The following ACSF2 variants were observed in gnomAD, a reference collection of about 807,000 sequenced individuals.
ACSF2 encodes the protein medium-chain acyl-CoA ligase ACSF2, mitochondrial.
A neutral mutation model predicts 79.3 loss-of-function variants in ACSF2; 52 were observed. That is an observed-to-expected ratio of 0.66 (90% CI 0.53 to 0.83). ACSF2 has a LOEUF of 0.83. Ranked by LOEUF, ACSF2 falls within the 40% of genes least tolerant of loss-of-function variation. ACSF2 has a pLI of 0.00. For missense variants in ACSF2, 661 were observed against 803.3 expected (o/e 0.82, Z 2.14); for synonymous variants, 283 against 312.6 (o/e 0.91, Z 1.00).
chr17:50,468,957 C>T, intron 10 of ACSF2: 1 of 1,399,958 alleles, frequency 7.1e-7, no homozygotes, highest in Non-Finnish European at 9.2e-7. Flanking sequence ...CTACGTGGAG[C>T]ATCGAGGCCA....
chr17:50,447,155 C>T (rs972299408), intron 1 of ACSF2, among the ~76,000 whole-genome samples: 39 of 152,294 alleles, frequency 2.6e-4, no homozygotes, highest in African/African-American at 8.9e-4. Flanking sequence ...TCCCATCCCT[C>T]CCAGCACTAA....
intron 10 of ACSF2, chr17:50,468,348 T>C (rs2032881910): frequency 6.2e-7 from 1 of 1,613,906 alleles, no homozygotes; most frequent in Non-Finnish European, 8.5e-7. Flanking sequence ...ATCTTGTTGT[T>C]GTTGAGCTGC....
chr17:50,442,189 C>A (rs544612401), intron 1 of ACSF2, among the ~76,000 whole-genome samples: 4 of 152,106 alleles, frequency 2.6e-5, no homozygotes, highest in Admixed American at 6.5e-5. Context: ...CCTGTAGTCC[C>A]AGCTATTTGG....
Position 50,472,460 on chromosome 17 carries a change from G to A in ACSF2, c.1356G>A (p.Leu452=), listed in dbSNP as rs774589364. The change falls in exon 12 of 16, where the codon CTG becomes CTA. Residue 452 remains leucine (L), a synonymous_variant. Coordinates refer to ENST00000300441, the MANE Select transcript of ACSF2 (RefSeq NM_025149.6). ...ARIMNMEAGT[L]AKLNTPGELC... is the part of the protein sequence containing the mutation. ...TCATGAACATGGAGGCAGGGACGCT[G>A]GCAAAGCTGAACACGCCCGGGGAGC... is the stretch of plus-strand genomic sequence containing the variant. 4.3e-6 allele frequency: 7 copies of A among 1,612,704 alleles called. No homozygotes were observed. Among genetic ancestry groups the A allele is most frequent in the South Asian group, 1.1e-5 (1 of 90,868 alleles).
At chr17:50,462,154 G>A (rs762777116) in intron 4 of ACSF2, 30 bp from the exon 5 acceptor site, 16 of 1,601,942 alleles carry the variant, frequency 1.0e-5, no homozygotes, top group African/African-American at 1.3e-5. Flanking sequence ...GCTCCCCGCT[G>A]ACTGGAGGTG....
At chr17:50,456,298 A>G (rs1253362437) in intron 1 of ACSF2, among the ~76,000 whole-genome samples, 1 of 152,106 alleles carries the variant, frequency 6.6e-6, no homozygotes, top group East Asian at 1.9e-4. Context: ...CTCAGTTTCT[A>G]CTCAGGGCCA....
chr17:50,438,764 AC>A (rs1281102494), intron 1 of ACSF2, among the ~76,000 whole-genome samples: 1 of 151,856 alleles, frequency 6.6e-6, no homozygotes, highest in Non-Finnish European at 1.5e-5. Context: ...ATGGGGTTTC[AC>A]CATATTGGCC....
chr17:50,438,754 A>G (rs551277438), intron 1 of ACSF2, among the ~76,000 whole-genome samples: 2 of 151,720 alleles, frequency 1.3e-5, no homozygotes, highest in Admixed American at 6.6e-5. Context: ...TTTAGTAGAC[A>G]TGGGGTTTCA....
chr17:50,461,099 A>C (rs1441500984), intron 2 of ACSF2, 143 bp from the exon 3 acceptor site: 3 of 1,355,518 alleles, frequency 2.2e-6, no homozygotes, highest in Non-Finnish European at 3.0e-6. Flanking sequence ...GCCCCAGGGC[A>C]GACCCACTGA....
At chr17:50,440,677 C>T (rs985061018) in intron 1 of ACSF2, among the ~76,000 whole-genome samples, 1 of 152,234 alleles carries the variant, frequency 6.6e-6, no homozygotes, top group African/African-American at 2.4e-5. Flanking sequence ...AGCTATTTCA[C>T]CTGCATTGCC....
Position 50,426,345 on chromosome 17 carries a change from T to C in ACSF2, c.84T>C (p.Ser28=). The C allele has an allele frequency of 7.0e-7, 1 of 1,423,116 alleles. No individual in the cohort carries two copies. Among genetic ancestry groups the C allele is most frequent in the Non-Finnish European group, 9.2e-7 (1 of 1,082,122 alleles). 88.2% of individuals were successfully genotyped at this position (1,423,116 alleles called of 1,614,324 possible). A position where few individuals can be genotyped will look rare whatever the true frequency, so the allele number is the denominator to read the frequency against. ...TGCTGGGGGCCCGGGCCGCCCTCTC[T>C]CGGAGTTGGCAGGAAGCCAGGTTGC... ...SGVLGARAAL[S]RSWQEARLQG... is the part of the protein sequence containing the mutation. The change falls in exon 1 of 16, where the codon TCT becomes TCC. Residue 28 remains serine (S), a synonymous_variant. Transcript: ENST00000300441.
At chr17:50,465,124 G>A in intron 10 of ACSF2, 1 of 688,558 alleles carries the variant, frequency 1.5e-6, no homozygotes, top group East Asian at 2.7e-5. Flanking sequence ...GGAAGTCCTG[G>A]GCAGGACCTT....
chr17:50,462,637 C>T (rs772553942), intron 6 of ACSF2, 52 bp downstream of exon 6: 47 of 1,582,376 alleles, frequency 3.0e-5, no homozygotes, highest in Admixed American at 3.4e-5. Flanking sequence ...TGCCCCCTGT[C>T]CCTGTGACAC....
chr17:50,447,949 A>G (rs72834156), intron 1 of ACSF2, among the ~76,000 whole-genome samples: 16,505 of 152,210 alleles, frequency 0.11, 1,174 homozygotes, highest in Middle Eastern at 0.21. Flanking sequence ...CTGAGCTTTC[A>G]CTCTTCAGAG....
At position 50,463,519 on chromosome 17, in the gene ACSF2, G is replaced by T. The variant is rs2032481786; in HGVS notation, c.1013G>T (p.Gly338Val). 6.2e-7 allele frequency: 1 copy of T among 1,614,138 alleles called. No homozygotes were observed. The highest frequency in any genetic ancestry group is 8.5e-7 in the Non-Finnish European group (1 of 1,180,018). ...ATCCTGGCCTCTCCCATCTTCAATG[G>T]CAAGAAGGCACTGGAGGCCATCAGC... ...TLILASPIFN[G>V]KKALEAISRE... The change falls in exon 8 of 16, where the codon GGC becomes GTC. Residue 338 changes from glycine to valine, a missense_variant. Gly to Val is a moderately radical substitution (Grantham distance 109). Transcript: ENST00000300441. The surrounding 1 kb of genome is among the most constrained non-coding windows in gnomAD (Gnocchi z 4.6).
chr17:50,462,206 T>C lies in ACSF2; in HGVS notation c.530T>C (p.Phe177Ser), dbSNP rs760910663. ...CAGGTGGGCTGCAAGGCCCTTGTGT[T>C]CCCCAAGCAATTCAAGACCCAGCAA... ...LKKVGCKALV[F>S]PKQFKTQQYY... The change falls in exon 5 of 16, where the codon TTC becomes TCC. Residue 177 changes from phenylalanine to serine, a missense_variant. Phe to Ser is a radical substitution (Grantham distance 155). Transcript: ENST00000300441. 6.2e-7 allele frequency: 1 copy of C among 1,613,898 alleles called. No individual in the cohort carries two copies. The highest frequency in any genetic ancestry group is 8.5e-7 in the Non-Finnish European group (1 of 1,179,980).
intron 1 of ACSF2, among the ~76,000 whole-genome samples, chr17:50,451,264 C>T (rs1027850682): frequency 6.6e-6 from 1 of 152,050 alleles, no homozygotes; most frequent in Non-Finnish European, 1.5e-5. Context: ...CACATGTTTT[C>T]AGTTCTTTTG....
intron 1 of ACSF2, among the ~76,000 whole-genome samples, chr17:50,432,641 T>A (rs903343562): frequency 2.0e-5 from 3 of 152,200 alleles, no homozygotes; most frequent in Non-Finnish European, 1.5e-5. Flanking sequence ...TGCCAGTGCC[T>A]CTCCCTTTAG....
Position 50,464,129 on chromosome 17 carries a change from A to G in ACSF2, c.1139-89A>G, listed in dbSNP as rs2032529624. On this transcript the variant is annotated intron_variant, in intron 9 of 15. Transcript: ENST00000300441. ...GGCTCGGGGTCAGAGGAGAAAAGGG[A>G]ATGTTCCTCCCCTGAATGAGCTGTA... 20 of 1,433,564 alleles carry G rather than the reference A, an allele frequency of 1.4e-5. No homozygotes were observed. In the South Asian group the frequency reaches 2.3e-4, roughly 16 times the overall value. The allele number at this position is 1,433,564 out of a possible 1,614,324, so 88.8% of individuals were successfully genotyped here.
Sources: allele counts gnomAD v4.1 joint callset (sites outside exome capture counted in the v4.1 genomes callset), GRCh38; gene constraint gnomAD v4.1.1; non-coding constraint Gnocchi (gnomAD v3.1); transcripts MANE v1.5; gene names NCBI Gene and HGNC (gene_info 2026-07-23, HGNC 2026-07-21).